SUGCT: variants seen among roughly 807,000 people sequenced by gnomAD.
The protein encoded by SUGCT is succinyl-CoA:glutarate CoA-transferase.
In SUGCT, 41 loss-of-function variants were observed where a neutral mutation model predicts 55.0. The observed-to-expected ratio is 0.74, with a 90% confidence interval of 0.58 to 0.97. The LOEUF (loss-of-function observed/expected upper bound fraction) is 0.97. Among genes scored for constraint, SUGCT ranks in the 50% least tolerant of loss-of-function variants. The pLI is 0.00. For missense variants in SUGCT, 568 were observed against 547.8 expected, an observed-to-expected ratio of 1.04 and a Z score of -0.37; for synonymous variants, 187 against 200.4, an observed-to-expected ratio of 0.93 and a Z score of 0.56.
chr7:40,995,382 G>GTTATTATTATTATTATTATTATTA, the SUGCT span, among the ~76,000 whole-genome samples: 53 of 145,580 alleles, frequency 3.6e-4, no homozygotes, highest in African/African-American at 1.2e-3. Context: ...TATAATAGCT[G>GTTATTATTATTATTATTATTATTA]TTATTATTAT....
intron 7 of SUGCT, among the ~76,000 whole-genome samples, chr7:40,255,043 A>T (rs1021530176): frequency 1.3e-5 from 2 of 151,332 alleles, no homozygotes; most frequent in African/African-American, 4.8e-5. Flanking sequence ...CCTGGCCAAC[A>T]TGGAGAAACC....
chr7:40,521,186 G>A (rs190540493), intron 12 of SUGCT, among the ~76,000 whole-genome samples: 221 of 152,258 alleles, frequency 1.5e-3, no homozygotes, highest in African/African-American at 4.5e-3. Context: ...GGCTCATGGG[G>A]GCGGATTCAC....
At chr7:41,035,598 C>CT in the SUGCT span, among the ~76,000 whole-genome samples, 2 of 152,274 alleles carry the variant, frequency 1.3e-5, no homozygotes, top group Non-Finnish European at 2.9e-5. Flanking sequence ...AGTTAAATAT[C>CT]TTTTTTGAAA....
intron 1 of SUGCT, among the ~76,000 whole-genome samples, chr7:40,167,970 C>G (rs1459005065): frequency 1.3e-5 from 2 of 152,172 alleles, no homozygotes; most frequent in African/African-American, 4.8e-5. Context: ...TGCCCACTCC[C>G]GGCTCAAATG....
chr7:40,814,708 G>C (rs1791586616), intron 13 of SUGCT, among the ~76,000 whole-genome samples: 1 of 151,880 alleles, frequency 6.6e-6, no homozygotes, highest in African/African-American at 2.4e-5. Flanking sequence ...TTTTTGTCAG[G>C]AGCCATTGCT....
intron 6 of SUGCT, among the ~76,000 whole-genome samples, chr7:40,233,741 G>A (rs1378448831): frequency 6.6e-6 from 1 of 152,082 alleles, no homozygotes; most frequent in African/African-American, 2.4e-5. Flanking sequence ...TAGTAATTAT[G>A]TATATTTAGC....
intron 12 of SUGCT, among the ~76,000 whole-genome samples, chr7:40,534,699 G>A (rs999091999): frequency 6.6e-6 from 1 of 152,220 alleles, no homozygotes; most frequent in Non-Finnish European, 1.5e-5. Flanking sequence ...GATTACAGGT[G>A]TGAGCCACTG....
chr7:40,758,335 G>A (rs922143479), intron 13 of SUGCT, among the ~76,000 whole-genome samples: 3 of 151,984 alleles, frequency 2.0e-5, no homozygotes, highest in Non-Finnish European at 1.5e-5. Flanking sequence ...TGATTAAGAA[G>A]ACTTAGATAA....
At chr7:40,392,443 G>T (rs945862791) in intron 9 of SUGCT, among the ~76,000 whole-genome samples, 3 of 152,042 alleles carry the variant, frequency 2.0e-5, no homozygotes, top group Non-Finnish European at 4.4e-5. Context: ...CTATAGAGGC[G>T]GGTAGAGGGT....
intron 12 of SUGCT, among the ~76,000 whole-genome samples, chr7:40,547,951 A>G (rs1795083142): frequency 6.6e-6 from 1 of 151,894 alleles, no homozygotes; most frequent in Admixed American, 6.6e-5. Context: ...ATGTCTGTTT[A>G]CTCTTTTAAA....
chr7:40,460,886 G>T (rs550395356), intron 11 of SUGCT, among the ~76,000 whole-genome samples: 2 of 152,152 alleles, frequency 1.3e-5, no homozygotes, highest in South Asian at 4.1e-4. Flanking sequence ...GAATCGACCT[G>T]CAAGGAAGAG....
the SUGCT span, among the ~76,000 whole-genome samples, chr7:41,022,647 G>C: frequency 6.6e-6 from 1 of 151,978 alleles, no homozygotes; most frequent in Admixed American, 6.6e-5. Context: ...CACAATGGAA[G>C]ATAAGAAACA....
chr7:40,765,926 T>C (rs972533275), intron 13 of SUGCT, among the ~76,000 whole-genome samples: 6 of 152,230 alleles, frequency 3.9e-5, no homozygotes, highest in Non-Finnish European at 7.3e-5. Context: ...GCCATGTATT[T>C]TCTTTGGACT....
intron 6 of SUGCT, among the ~76,000 whole-genome samples, chr7:40,223,395 T>C (rs1325993612): frequency 6.6e-6 from 1 of 152,216 alleles, no homozygotes; most frequent in Non-Finnish European, 1.5e-5. Flanking sequence ...TGGAATCAAC[T>C]GTTTATCCAA....
At chr7:40,238,370 G>A (rs1238612858) in intron 7 of SUGCT, among the ~76,000 whole-genome samples, 1 of 151,484 alleles carries the variant, frequency 6.6e-6, no homozygotes, top group Admixed American at 6.6e-5. Flanking sequence ...GCCAAAATGT[G>A]GTTGGTTAGA....
At chr7:40,143,118 A>C (rs1788072821) in intron 1 of SUGCT, among the ~76,000 whole-genome samples, 1 of 152,110 alleles carries the variant, frequency 6.6e-6, no homozygotes, top group Non-Finnish European at 1.5e-5. Flanking sequence ...CCTCTGCTTG[A>C]TGAAAGGCCA....
At chr7:40,531,976 A>G (rs1016458446) in intron 12 of SUGCT, among the ~76,000 whole-genome samples, 14 of 152,172 alleles carry the variant, frequency 9.2e-5, no homozygotes, top group Non-Finnish European at 1.6e-4. Context: ...GCCCGGCCAT[A>G]TATATTTTTA....
At chr7:40,831,867 G>GGC (rs1792684449) in intron 13 of SUGCT, among the ~76,000 whole-genome samples, 1 of 152,216 alleles carries the variant, frequency 6.6e-6, no homozygotes, top group Non-Finnish European at 1.5e-5. Context: ...GAGGAAGAGA[G>GGC]TACAGGCTCA....
At chr7:40,412,582 A>G (rs1329368763) in intron 9 of SUGCT, among the ~76,000 whole-genome samples, 1 of 152,100 alleles carries the variant, frequency 6.6e-6, no homozygotes, top group Non-Finnish European at 1.5e-5. Flanking sequence ...AAAATACATT[A>G]TTTATATATT....
Sources: gnomAD v4.1 joint callset for allele counts (sites outside exome capture counted in the v4.1 genomes callset) on GRCh38, gnomAD v4.1.1 for gene constraint, MANE v1.5 for transcripts, NCBI Gene and HGNC (gene_info 2026-07-23, HGNC 2026-07-21) for gene names.